PCED1B: variants seen among roughly 807,000 people sequenced by gnomAD.
PCED1B encodes PC-esterase domain-containing protein 1B.
For synonymous variants in PCED1B, 251 were observed against 246.1 expected, an observed-to-expected ratio of 1.02 and a Z score of -0.19; for missense variants, 573 against 573.9, an observed-to-expected ratio of 1.00 and a Z score of 0.02.
intron 1 of PCED1B, among the ~76,000 whole-genome samples, chr12:47,081,879 T>C (rs1937744010): frequency 6.6e-6 from 1 of 152,168 alleles, no homozygotes; most frequent in African/African-American, 2.4e-5. Context: ...ACAGGAAGGT[T>C]ATATTATTAT....
rs764307116 is a variant in PCED1B, at chr12:47,236,236, G to T, written c.1173G>T (p.Arg391=). The change falls in exon 4 of 4, where the codon CGG becomes CGT. Residue 391 remains arginine, a synonymous_variant. Coordinates refer to ENST00000546455, the MANE Select transcript of PCED1B (RefSeq NM_138371.3). ...TCTTCCCCACACCCCGTTATCAGCGGCCTGCCCCAGTGGTACATAGGGGTT... is the reference window on the plus strand; with the variant it reads ...TCTTCCCCACACCCCGTTATCAGCGTCCTGCCCCAGTGGTACATAGGGGTT... ...MPFFPTPRYQ[R]PAPVVHRGFG... is the part of the protein sequence containing the mutation. 2.4e-5 allele frequency: 38 copies of T among 1,614,096 alleles called. No homozygotes were observed. The South Asian group carries it at 3.5e-4, about 15-fold the overall frequency.
At chr12:47,149,196 T>C (rs962448987) in intron 2 of PCED1B, among the ~76,000 whole-genome samples, 1 of 152,226 alleles carries the variant, frequency 6.6e-6, no homozygotes, top group African/African-American at 2.4e-5. Flanking sequence ...TTTCATAAAT[T>C]TGGTATTTTG....
intron 2 of PCED1B, among the ~76,000 whole-genome samples, chr12:47,173,574 A>G (rs902832280): frequency 3.3e-5 from 5 of 151,734 alleles, no homozygotes; most frequent in Non-Finnish European, 5.9e-5. Flanking sequence ...AATTCTGTAC[A>G]TAAACACATA....
At position 47,235,386 on chromosome 12, in the gene PCED1B, A is replaced by C. The variant is rs762006377; in HGVS notation, c.323A>C (p.Glu108Ala). Residue 108 changes from glutamate to alanine, a missense_variant, in exon 4 of 4, where the codon GAG becomes GCG. Glu to Ala is a moderately radical substitution (Grantham distance 107). Coordinates refer to ENST00000546455, the MANE Select transcript of PCED1B (RefSeq NM_138371.3). ...YSDYLQTILK[E>A]LQSGEHAPDL... ...GATTACCTCCAGACCATCTTGAAAG[A>C]GCTGCAGTCGGGCGAGCACGCCCCC... The C allele has an allele frequency of 1.2e-6, 2 of 1,614,046 alleles. No individual in the cohort carries two copies. The highest frequency in any genetic ancestry group is 2.7e-5 in the African/African-American group (2 of 74,934).
chr12:47,214,378 G>C (rs1943183910), intron 2 of PCED1B, among the ~76,000 whole-genome samples: 1 of 152,144 alleles, frequency 6.6e-6, no homozygotes, highest in Non-Finnish European at 1.5e-5. Flanking sequence ...ATGTAATTCA[G>C]GACTGTTGTG....
At chr12:47,159,417 T>A (rs117307365) in intron 2 of PCED1B, among the ~76,000 whole-genome samples, 5,840 of 152,258 alleles carry the variant, frequency 0.038, 156 homozygotes, top group Non-Finnish European at 0.058. Flanking sequence ...TAGTTATTTT[T>A]TGTCTTTTGA....
chr12:47,175,871 C>A (rs1272927547), intron 2 of PCED1B, among the ~76,000 whole-genome samples: 1 of 151,592 alleles, frequency 6.6e-6, no homozygotes, highest in East Asian at 1.9e-4. Flanking sequence ...TGTGCCCGGC[C>A]TATTTATTTA....
At chr12:47,096,516 G>A (rs981487140) in intron 1 of PCED1B, among the ~76,000 whole-genome samples, 3 of 151,898 alleles carry the variant, frequency 2.0e-5, no homozygotes, top group Admixed American at 6.6e-5. Context: ...AGCTTCCCCT[G>A]TATCCTGTCC....
At chr12:47,141,989 C>T (rs1940610702) in intron 2 of PCED1B, among the ~76,000 whole-genome samples, 1 of 152,094 alleles carries the variant, frequency 6.6e-6, no homozygotes, top group South Asian at 2.1e-4. Flanking sequence ...AGTTTTAGTC[C>T]CTCTCTTCTG....
intron 2 of PCED1B, among the ~76,000 whole-genome samples, chr12:47,145,606 T>C (rs537302701): frequency 3.2e-4 from 49 of 152,186 alleles, no homozygotes; most frequent in Non-Finnish European, 5.9e-4. Flanking sequence ...ATTCTGAAAA[T>C]CCTAGGGCTC....
chr12:47,099,606 C>CA (rs1308576591), intron 1 of PCED1B, among the ~76,000 whole-genome samples: 59 of 152,158 alleles, frequency 3.9e-4, no homozygotes, highest in Admixed American at 3.9e-3. Flanking sequence ...AAGACCCCCT[C>CA]AAAAACCTTC....
intron 2 of PCED1B, among the ~76,000 whole-genome samples, chr12:47,159,851 T>C (rs1009895862): frequency 5.3e-5 from 8 of 152,226 alleles, no homozygotes; most frequent in Non-Finnish European, 1.0e-4. Context: ...TGTTTTCTTC[T>C]AGTAGTTTTA....
At chr12:47,086,107 A>T (rs533309859) in intron 1 of PCED1B, among the ~76,000 whole-genome samples, 1 of 152,332 alleles carries the variant, frequency 6.6e-6, no homozygotes, top group South Asian at 2.1e-4. Flanking sequence ...AATTAGGCAC[A>T]TAATAGACAT....
At chr12:47,168,009 C>G (rs943577468) in intron 2 of PCED1B, among the ~76,000 whole-genome samples, 1 of 151,962 alleles carries the variant, frequency 6.6e-6, no homozygotes, top group Non-Finnish European at 1.5e-5. Context: ...GTTAAATGAG[C>G]CAAAATATTT....
chr12:47,227,182 G>A (rs1943656835), intron 3 of PCED1B, among the ~76,000 whole-genome samples: 1 of 151,796 alleles, frequency 6.6e-6, no homozygotes, highest in Non-Finnish European at 1.5e-5. Context: ...TTTTGTTTTT[G>A]AGGCAGAGTC....
intron 2 of PCED1B, among the ~76,000 whole-genome samples, chr12:47,107,412 C>G (rs1322428681): frequency 1.3e-5 from 2 of 152,228 alleles, no homozygotes; most frequent in Non-Finnish European, 2.9e-5. Context: ...CCATGGGACA[C>G]AGGGAGGGAG....
At position 47,158,117 on chromosome 12, in the gene PCED1B, A is replaced by G. The variant is rs544388553; in HGVS notation, c.-526+53922A>G. Among the ~76,000 whole-genome samples the G allele has an allele frequency of 1.4e-4, 22 of 152,340 alleles. No homozygotes were observed. In the East Asian group the frequency reaches 3.5e-3, roughly 24 times the overall value. On this transcript the variant is annotated intron_variant, in intron 2 of 3. Coordinates refer to ENST00000546455, the MANE Select transcript of PCED1B (RefSeq NM_138371.3). ...TGTTATGAATTATGCTGCTATGAAC[A>G]TGGCTATACAAACATTTCTTTGAAT...
intron 2 of PCED1B, among the ~76,000 whole-genome samples, chr12:47,105,950 T>C (rs1449061260): frequency 2.0e-5 from 3 of 152,232 alleles, no homozygotes; most frequent in Non-Finnish European, 4.4e-5. Context: ...CTAATAATGA[T>C]GCCGTTAGCA....
intron 2 of PCED1B, among the ~76,000 whole-genome samples, chr12:47,129,308 A>G (rs1034107801): frequency 6.6e-6 from 1 of 152,076 alleles, no homozygotes; most frequent in Non-Finnish European, 1.5e-5. Flanking sequence ...CCCTGTCTCC[A>G]TGAAAAATAT....
Sources: gnomAD v4.1 joint callset for allele counts (sites outside exome capture counted in the v4.1 genomes callset) on GRCh38, gnomAD v4.1.1 for gene constraint, MANE v1.5 for transcripts, NCBI Gene and HGNC (gene_info 2026-07-23, HGNC 2026-07-21) for gene names.